Variants in ATXN7L1 observed in about 807,000 individuals in gnomAD.
The protein encoded by ATXN7L1 is ataxin 7 like 1, also known as ataxin-7-like protein 1.
In ATXN7L1, 15 loss-of-function variants were observed where a neutral mutation model predicts 70.8. The ratio of observed to expected loss-of-function variants is 0.21; its 90% CI spans 0.14 to 0.33. The LOEUF is 0.33. Among genes scored for constraint, ATXN7L1 ranks in the 10% least tolerant of loss-of-function variants. ATXN7L1 has a pLI of 1.00. For synonymous variants in ATXN7L1, 440 were observed against 445.1 expected (o/e 0.99, Z 0.14); for missense variants, 975 against 1,097.1 (o/e 0.89, Z 1.57).
intron 4 of ATXN7L1, among the ~76,000 whole-genome samples, chr7:105,646,684 C>T (rs1799078919): frequency 1.3e-5 from 2 of 148,584 alleles, no homozygotes; most frequent in Admixed American, 1.4e-4. Context: ...TCTAAAAGTG[C>T]TGGGATTACA....
intron 3 of ATXN7L1, among the ~76,000 whole-genome samples, chr7:105,674,645 G>A (rs1164225462): frequency 6.6e-6 from 1 of 152,152 alleles, no homozygotes; most frequent in Non-Finnish European, 1.5e-5. Context: ...TTCCCTCCAC[G>A]CTTTAGAAAT....
chr7:105,776,152 A>G (rs1020324369), intron 3 of ATXN7L1, among the ~76,000 whole-genome samples: 2 of 152,190 alleles, frequency 1.3e-5, no homozygotes, highest in Admixed American at 6.5e-5. Flanking sequence ...CGGTGGATAC[A>G]GCTCTGAGGA....
intron 2 of ATXN7L1, among the ~76,000 whole-genome samples, chr7:105,798,715 T>G (rs1432323723): frequency 6.6e-6 from 1 of 152,240 alleles, no homozygotes; most frequent in Non-Finnish European, 1.5e-5. Flanking sequence ...CAGCCTTCTC[T>G]CTGACATTTA....
At chr7:105,831,733 G>T (rs747930187) in intron 2 of ATXN7L1, among the ~76,000 whole-genome samples, 26 of 152,194 alleles carry the variant, frequency 1.7e-4, no homozygotes, top group Non-Finnish European at 2.8e-4. Flanking sequence ...AATGGTAAAT[G>T]ACTTAGCTGA....
intron 9 of ATXN7L1, among the ~76,000 whole-genome samples, chr7:105,619,549 T>A (rs1459340914): frequency 0.027 from 1,290 of 48,122 alleles, 1 homozygote; most frequent in Non-Finnish European, 0.04. Flanking sequence ...TTTTTTTTTT[T>A]TTTTTTTTTT....
chr7:105,614,909 AG>A lies in ATXN7L1; in HGVS notation c.1518-94del. 2 of 1,408,002 alleles carry A rather than the reference AG, an allele frequency of 1.4e-6. No homozygotes were observed. Among genetic ancestry groups the A allele is most frequent in the Non-Finnish European group, 1.9e-6 (2 of 1,053,156 alleles). 87.2% of individuals were successfully genotyped at this position (1,408,002 alleles called of 1,614,324 possible). A position where few individuals can be genotyped will look rare whatever the true frequency, so the allele number is the denominator to read the frequency against. On this transcript the variant is annotated intron_variant, in intron 9 of 11. Coordinates refer to ENST00000419735, the MANE Select transcript of ATXN7L1 (RefSeq NM_020725.2). The surrounding 1 kb of genome is among the most constrained non-coding windows in gnomAD (Gnocchi z 4.3). The stretch of plus-strand genomic sequence containing the variant: ...TGACGTTTGAGGATCAGGGCTACAG[AG>A]GACACCCCGGCAGAACCAGACTATG...
At chr7:105,803,109 G>A (rs1172778984) in intron 2 of ATXN7L1, among the ~76,000 whole-genome samples, 1 of 152,218 alleles carries the variant, frequency 6.6e-6, no homozygotes, top group Admixed American at 6.5e-5. Flanking sequence ...TGTCAAATCC[G>A]TCAGCCAGCC....
chr7:105,679,359 G>A (rs1805226521), intron 3 of ATXN7L1, among the ~76,000 whole-genome samples: 1 of 152,166 alleles, frequency 6.6e-6, no homozygotes, highest in Admixed American at 6.5e-5. Flanking sequence ...GTGTGTGCAG[G>A]GCTGGGCCTT....
intron 11 of ATXN7L1, 106 bp from the exon 12 acceptor site, chr7:105,607,996 A>G (rs1792833281): frequency 1.9e-6 from 2 of 1,025,920 alleles, no homozygotes; most frequent in Admixed American, 2.0e-5. Flanking sequence ...TAGAAAGGAC[A>G]ATATCCCACC....
At chr7:105,765,815 T>A (rs1294485984) in intron 3 of ATXN7L1, among the ~76,000 whole-genome samples, 5 of 152,202 alleles carry the variant, frequency 3.3e-5, no homozygotes, top group Admixed American at 6.5e-5. Flanking sequence ...CAACAGATCC[T>A]GCTTGGAGAC....
chr7:105,680,416 C>T (rs1805380613), intron 3 of ATXN7L1, among the ~76,000 whole-genome samples: 1 of 152,174 alleles, frequency 6.6e-6, no homozygotes, highest in African/African-American at 2.4e-5. Flanking sequence ...CTTTTCCCCT[C>T]TTGTTGAGAG....
rs1795454368 is a variant in ATXN7L1 at position 105,624,729 on chromosome 7, A to G, written c.1203-462T>C. ...CATTGGTGGTGACTTTGCATAAGGGAAAACAATCAAGGCTGAAGGGTTTGC... is the reference window on the plus strand; with the variant it reads ...CATTGGTGGTGACTTTGCATAAGGGGAAACAATCAAGGCTGAAGGGTTTGC... On this transcript the variant is annotated intron_variant, in intron 7 of 11. Transcript: ENST00000419735. Among the ~76,000 whole-genome samples, 3 of 151,234 alleles carry G rather than the reference A, an allele frequency of 2.0e-5. No homozygotes were observed. In the South Asian group the frequency reaches 6.3e-4, roughly 32 times the overall value.
chr7:105,616,825 T>A (rs1584311991), intron 9 of ATXN7L1, among the ~76,000 whole-genome samples: 1 of 152,232 alleles, frequency 6.6e-6, no homozygotes, highest in Admixed American at 6.5e-5. Flanking sequence ...CTCCCAACTT[T>A]CCTGCTGCTT....
At chr7:105,864,885 T>C (rs573926800) in intron 2 of ATXN7L1, among the ~76,000 whole-genome samples, 2 of 152,310 alleles carry the variant, frequency 1.3e-5, no homozygotes, top group Admixed American at 6.5e-5. Context: ...TCCACCCGCC[T>C]GGGCCTCCCA....
intron 2 of ATXN7L1, among the ~76,000 whole-genome samples, chr7:105,826,884 A>G (rs1259329807): frequency 3.9e-5 from 6 of 152,198 alleles, no homozygotes; most frequent in African/African-American, 1.4e-4. Context: ...AGTAGCTGTA[A>G]TATTTTACAA....
At chr7:105,807,349 G>GT (rs1807761185) in intron 2 of ATXN7L1, among the ~76,000 whole-genome samples, 2 of 152,308 alleles carry the variant, frequency 1.3e-5, no homozygotes, top group East Asian at 3.9e-4. Context: ...TGAACACTGT[G>GT]TGTCAAACTC....
At chr7:105,715,839 T>C (rs1019853074) in intron 3 of ATXN7L1, among the ~76,000 whole-genome samples, 1 of 152,204 alleles carries the variant, frequency 6.6e-6, no homozygotes, top group African/African-American at 2.4e-5. Flanking sequence ...TGCAGTGACA[T>C]TTCAGTCCTT....
At chr7:105,837,720 C>G (rs1812615493) in intron 2 of ATXN7L1, among the ~76,000 whole-genome samples, 1 of 152,096 alleles carries the variant, frequency 6.6e-6, no homozygotes, top group African/African-American at 2.4e-5. Flanking sequence ...GAAGGACTCC[C>G]TGGGGATCTG....
chr7:105,779,372 T>C (rs537572087), intron 3 of ATXN7L1, among the ~76,000 whole-genome samples: 188 of 152,346 alleles, frequency 1.2e-3, no homozygotes, highest in Middle Eastern at 3.4e-3. Context: ...GAGTGAAAAG[T>C]GGGACCAGGT....
Sources: allele counts gnomAD v4.1 joint callset (sites outside exome capture counted in the v4.1 genomes callset), GRCh38; gene constraint gnomAD v4.1.1; non-coding constraint Gnocchi (gnomAD v3.1); transcripts MANE v1.5; gene names NCBI Gene and HGNC (gene_info 2026-07-23, HGNC 2026-07-21).